Variants in CAMSAP3 observed in about 807,000 individuals in gnomAD.
CAMSAP3 encodes the protein calmodulin-regulated spectrin-associated protein 3.
CAMSAP3 carries 34 observed loss-of-function variants against 112.5 expected under a neutral mutation model. That is an observed-to-expected ratio of 0.30 (90% CI 0.23 to 0.40). The LOEUF (loss-of-function observed/expected upper bound fraction) is 0.40. Ranked by LOEUF, CAMSAP3 falls within the 10% of genes least tolerant of loss-of-function variation. CAMSAP3 has a pLI of 1.00. For missense variants in CAMSAP3, 1,602 were observed against 1,770.3 expected, an observed-to-expected ratio of 0.90 and a Z score of 1.71; for synonymous variants, 868 against 799.8, an observed-to-expected ratio of 1.09 and a Z score of -1.44.
rs1188149376 is a variant in CAMSAP3, at chr19:7,615,705, C to G, written c.3098C>G (p.Ala1033Gly). 6.4e-6 allele frequency: 9 copies of G among 1,406,492 alleles called. No homozygotes were observed. Among genetic ancestry groups the G allele is most frequent in the Non-Finnish European group, 8.3e-6 (9 of 1,087,046 alleles). 87.1% of individuals were successfully genotyped at this position (1,406,492 alleles called of 1,614,324 possible). ...GACTCAGCCCTGGCACGAAGCCCAG[C>G]CCGCGGCCTGCTGGGTGAGGACCCT... Reference protein sequence around the residue: ...CDDSALARSPARGLLGSRLSK... With the variant: ...CDDSALARSPGRGLLGSRLSK... Residue 1033 changes from alanine (A) to glycine (G), a missense_variant, in exon 13 of 17, where the codon GCC becomes GGC. Physicochemically the swap from Ala to Gly is moderately conservative, Grantham distance 60 (BLOSUM62 0). Coordinates refer to ENST00000160298, the MANE Select transcript of CAMSAP3 (RefSeq NM_020902.2). This position sits in a 1 kb window ranked among gnomAD's most constrained non-coding sequence, Gnocchi z 6.5.
At chr19:7,608,548 G>A (rs1211649493) in intron 5 of CAMSAP3, among the ~76,000 whole-genome samples, 1 of 152,136 alleles carries the variant, frequency 6.6e-6, no homozygotes, top group Non-Finnish European at 1.5e-5. Context: ...TTAGGCACTG[G>A]GGATCCAGCC....
At position 7,612,761 on chromosome 19, in the gene CAMSAP3, C is replaced by T; in HGVS notation, c.2268C>T (p.Ser756=). The change falls in exon 11 of 17, where the codon TCC becomes TCT. Residue 756 remains serine (S), a synonymous_variant. Transcript: ENST00000160298. ...PGPTTGPKAA[S]PSPARRVPAT... ...CCACGACGGGGCCCAAAGCTGCATC[C>T]CCCAGCCCCGCCCGGCGAGTCCCGG... 6.5e-7 allele frequency: 1 copy of T among 1,531,158 alleles called. No individual in the cohort carries two copies. Among genetic ancestry groups the T allele is most frequent in the Non-Finnish European group, 8.7e-7 (1 of 1,144,034 alleles). The allele number at this position is 1,531,158 out of a possible 1,614,324, so 94.8% of individuals were successfully genotyped here.
chr19:7,610,171 A>T lies in CAMSAP3; in HGVS notation c.761-305A>T, dbSNP rs187901956. ...ATCTCTACTAAAACCACAAAAAATT[A>T]GCCTGGTGTTGTGGCACACTCCTGT... On this transcript the variant is annotated intron_variant, in intron 5 of 16. Coordinates refer to ENST00000160298, the MANE Select transcript of CAMSAP3 (RefSeq NM_020902.2). The surrounding 1 kb of genome is among the most constrained non-coding windows in gnomAD (Gnocchi z 4.9). 6.6e-6 allele frequency among the ~76,000 whole-genome samples: 1 copy of T among 152,120 alleles called. No homozygotes were observed. Among genetic ancestry groups the T allele is most frequent in the Admixed American group, 6.5e-5 (1 of 15,286 alleles).
chr19:7,608,186 A>G lies in CAMSAP3; in HGVS notation c.682A>G (p.Ser228Gly). 6.2e-7 allele frequency: 1 copy of G among 1,612,698 alleles called. No homozygotes were observed. Among genetic ancestry groups the G allele is most frequent in the Non-Finnish European group, 8.5e-7 (1 of 1,179,956 alleles). ...TGCCCCCTGCTTCCCGACGGTGACC[A>G]GCCTCCAGGACCTGGCCAGTGGGGC... is the stretch of plus-strand genomic sequence containing the variant. ...RRAPCFPTVTSLQDLASGAAL... is the reference protein window; with the variant it reads ...RRAPCFPTVTGLQDLASGAAL... Residue 228 changes from serine to glycine, a missense_variant, in exon 5 of 17, where the codon AGC becomes GGC. Around this residue, in one of 6 missense-constraint regions of CAMSAP3, gnomAD observed 112 missense variants for 94.2 expected, o/e 1.19. Coordinates refer to ENST00000160298, the MANE Select transcript of CAMSAP3 (RefSeq NM_020902.2).
chr19:7,597,644 G>A (rs2024467488), intron 1 of CAMSAP3, among the ~76,000 whole-genome samples: 1 of 152,220 alleles, frequency 6.6e-6, no homozygotes, highest in Non-Finnish European at 1.5e-5. Context: ...CGTAAAAGCT[G>A]TAGTGACCAC....
At position 7,613,359 on chromosome 19, in the gene CAMSAP3, G is replaced by A. The variant is rs775462500; in HGVS notation, c.2670+196G>A. ...TGGCTGGGTAAGGCCTCCATGGGTG[G>A]GAGAGGGGGGAAAGGGACATTTGCA... is the stretch of plus-strand genomic sequence containing the variant. On this transcript the variant is annotated intron_variant, in intron 11 of 16. Coordinates refer to ENST00000160298, the MANE Select transcript of CAMSAP3 (RefSeq NM_020902.2). Among the ~76,000 whole-genome samples the A allele has an allele frequency of 6.9e-3, 1,045 of 150,730 alleles. 5 individuals are homozygous for A. Among genetic ancestry groups the A allele is most frequent in the Middle Eastern group, 0.024 (7 of 294 alleles).
In CAMSAP3 at chr19:7,615,905, G is replaced by T. The variant is rs1054340081; in HGVS notation, c.3112+186G>T. Among the ~76,000 whole-genome samples the T allele has an allele frequency of 3.9e-5, 6 of 151,956 alleles. No homozygotes were observed. The highest frequency in any genetic ancestry group is 3.9e-4 in the Admixed American group (6 of 15,258). On this transcript the variant is annotated intron_variant, in intron 13 of 16. Transcript: ENST00000160298. The surrounding 1 kb of genome is among the most constrained non-coding windows in gnomAD (Gnocchi z 6.5). ...TGTCTCTTGGGTAAAGACTTCCATA[G>T]GGGGCCGGGCGCGGTGGCTCACGCC...
chr19:7,605,147 G>GGTGTGTGTGTGTGTGT (rs56244737), intron 1 of CAMSAP3, 79 bp from the exon 2 acceptor site: 37,293 of 607,758 alleles, frequency 0.061, 873 homozygotes, highest in East Asian at 0.069. Flanking sequence ...CGGGCCATGT[G>GGTGTGTGTGTGTGTGT]GTGTGTGTGT....
intron 1 of CAMSAP3, among the ~76,000 whole-genome samples, chr19:7,597,805 G>T (rs1258400420): frequency 6.6e-6 from 1 of 152,158 alleles, no homozygotes; most frequent in African/African-American, 2.4e-5. Flanking sequence ...CCATTTTGAA[G>T]ACAGCAAAGC....
In CAMSAP3 at chr19:7,612,409, A is replaced by G. The variant is rs925396056; in HGVS notation, c.1916A>G (p.Gln639Arg). Residue 639 changes from glutamine (Q) to arginine (R), a missense_variant, in exon 11 of 17, where the codon CAG becomes CGG. Around this residue, in one of 6 missense-constraint regions of CAMSAP3, gnomAD observed 1,100 missense variants for 1,135.7 expected, o/e 0.97. Coordinates refer to ENST00000160298, the MANE Select transcript of CAMSAP3 (RefSeq NM_020902.2). ...RQRLGKSAFL[Q>R]VQPREASGEA... ...CGGCTGGGCAAAAGCGCCTTCCTGC[A>G]GGTGCAGCCGCGGGAAGCCTCTGGG... 1.3e-6 allele frequency: 2 copies of G among 1,593,476 alleles called. No homozygotes were observed. Among genetic ancestry groups the G allele is most frequent in the Non-Finnish European group, 8.5e-7 (1 of 1,172,850 alleles).
chr19:7,598,512 C>T (rs778454651), intron 1 of CAMSAP3, among the ~76,000 whole-genome samples: 4 of 152,134 alleles, frequency 2.6e-5, no homozygotes, highest in Non-Finnish European at 4.4e-5. Context: ...GTTCTGGCAA[C>T]TCCAAGGCAC....
chr19:7,612,417 C>T lies in CAMSAP3; in HGVS notation c.1924C>T (p.Pro642Ser). ...CAAAAGCGCCTTCCTGCAGGTGCAG[C>T]CGCGGGAAGCCTCTGGGGAGGCGGA... is the stretch of plus-strand genomic sequence containing the variant. ...LGKSAFLQVQPREASGEAEAE... is the reference protein window; with the variant it reads ...LGKSAFLQVQSREASGEAEAE... Residue 642 changes from proline (P) to serine (S), a missense_variant, in exon 11 of 17, where the codon CCG becomes TCG. Pro to Ser is a moderately conservative substitution (Grantham distance 74, BLOSUM62 -1). This residue lies in a region of CAMSAP3 where 1,100 missense variants were observed against 1,135.7 expected (regional missense o/e 0.97). Coordinates refer to ENST00000160298, the MANE Select transcript of CAMSAP3 (RefSeq NM_020902.2). 6.3e-7 allele frequency: 1 copy of T among 1,590,914 alleles called. No homozygotes were observed. The highest frequency in any genetic ancestry group is 8.5e-7 in the Non-Finnish European group (1 of 1,171,522).
In CAMSAP3 at chr19:7,611,306, C is replaced by T. The variant is rs767746269; in HGVS notation, c.1123+138C>T. The T allele has an allele frequency of 3.9e-5, 37 of 937,364 alleles. No homozygotes were observed. Among genetic ancestry groups the T allele is most frequent in the Non-Finnish European group, 5.6e-5 (34 of 612,488 alleles). 58.1% of individuals were successfully genotyped at this position (937,364 alleles called of 1,614,324 possible). A position where few individuals can be genotyped will look rare whatever the true frequency, so the allele number is the denominator to read the frequency against. On this transcript the variant is annotated intron_variant, in intron 9 of 16. Transcript: ENST00000160298. The surrounding 1 kb of genome is among the most constrained non-coding windows in gnomAD (Gnocchi z 6.9). Reference sequence around the variant, plus strand: ...CCCCTTGGGCATCCCAAAGTGACCCCCAGAATGGCCTCCCCAGTGGCCCCA... The same window carrying T: ...CCCCTTGGGCATCCCAAAGTGACCCTCAGAATGGCCTCCCCAGTGGCCCCA...
chr19:7,615,059 G>A lies in CAMSAP3; in HGVS notation c.2671-124G>A. ...TGCATACAGTAGGCACCAACTAAGT[G>A]CATTTAGAACAATGATGAAAACAAA... On this transcript the variant is annotated intron_variant, in intron 11 of 16. Transcript: ENST00000160298. This position sits in a 1 kb window ranked among gnomAD's most constrained non-coding sequence, Gnocchi z 6.5. 8.5e-7 allele frequency: 1 copy of A among 1,174,574 alleles called. No homozygotes were observed. The highest frequency in any genetic ancestry group is 1.2e-6 in the Non-Finnish European group (1 of 812,176). 72.8% of individuals were successfully genotyped at this position (1,174,574 alleles called of 1,614,324 possible).
At position 7,611,970 on chromosome 19, in the gene CAMSAP3, A is replaced by G. The variant is rs1190262081; in HGVS notation, c.1477A>G (p.Lys493Glu). 1.9e-6 allele frequency: 3 copies of G among 1,611,526 alleles called. No homozygotes were observed. The highest frequency in any genetic ancestry group is 3.3e-5 in the Admixed American group (2 of 59,908). Residue 493 changes from lysine to glutamate, a missense_variant, in exon 11 of 17, where the codon AAG (lysine) becomes GAG (glutamate). Lys to Glu is a moderately conservative substitution (Grantham distance 56). Transcript: ENST00000160298. This position sits in a 1 kb window ranked among gnomAD's most constrained non-coding sequence, Gnocchi z 6.9. ...FYLHSPEGPS[K>E]PSLASPYLPE... is the part of the protein sequence containing the mutation. ...CCTCCACTCCCCTGAGGGGCCCTCC[A>G]AGCCATCCCTGGCCTCCCCCTACCT... is the stretch of plus-strand genomic sequence containing the variant.
Position 7,615,305 on chromosome 19 carries a change from G to A in CAMSAP3, c.2793G>A (p.Arg931=), listed in dbSNP as rs1178510728. The A allele has an allele frequency of 1.3e-6, 2 of 1,546,934 alleles. No individual in the cohort carries two copies. Among genetic ancestry groups the A allele is most frequent in the Admixed American group, 2.0e-5 (1 of 50,888 alleles). The change falls in exon 12 of 17, where the codon CGG becomes CGA. Residue 931 remains arginine (R), a synonymous_variant. Transcript: ENST00000160298. This position sits in a 1 kb window ranked among gnomAD's most constrained non-coding sequence, Gnocchi z 6.5. The part of the protein sequence containing the change: ...KQWQEVEKEQ[R]REEAARLAQE... Reference sequence around the variant, plus strand: ...GGCAGGAGGTGGAGAAGGAACAGCGGAGGGAGGAGGCCGCGAGGTGAGGCC... The same window carrying A: ...GGCAGGAGGTGGAGAAGGAACAGCGAAGGGAGGAGGCCGCGAGGTGAGGCC...
At chr19:7,616,679 G>A in intron 14 of CAMSAP3, 57 bp downstream of exon 14, 2 of 1,275,522 alleles carry the variant, frequency 1.6e-6, no homozygotes, top group Admixed American at 1.7e-5. Context: ...CAGAGCCTGG[G>A]AGGTGTGTGG....
Position 7,607,988 on chromosome 19 carries a change from GC to G in CAMSAP3, c.622-132del. 3 of 1,053,818 alleles carry G rather than the reference GC, an allele frequency of 2.8e-6. No homozygotes were observed. The highest frequency in any genetic ancestry group is 2.3e-5 in the Admixed American group (1 of 43,700). 65.3% of individuals were successfully genotyped at this position (1,053,818 alleles called of 1,614,324 possible). ...GCTGCCCCTCCCCTGCTCCAGGCTG[GC>G]CCCCCAACTCTGTCTCTGGGACCCC... On this transcript the variant is annotated intron_variant, in intron 4 of 16. Coordinates refer to ENST00000160298, the MANE Select transcript of CAMSAP3 (RefSeq NM_020902.2). The surrounding 1 kb of genome is among the most constrained non-coding windows in gnomAD (Gnocchi z 4.9).
intron 5 of CAMSAP3, among the ~76,000 whole-genome samples, chr19:7,608,676 C>T (rs957304399): frequency 6.6e-6 from 1 of 150,632 alleles, no homozygotes; most frequent in Admixed American, 6.6e-5. Flanking sequence ...GCTCTGTTGC[C>T]CAGGCTGGAG....
Sources: gnomAD v4.1 joint callset for allele counts (sites outside exome capture counted in the v4.1 genomes callset) on GRCh38, gnomAD v4.1.1 for gene constraint, gnomAD v4.1.1 regional missense constraint, Gnocchi (gnomAD v3.1) non-coding constraint, MANE v1.5 for transcripts, NCBI Gene and HGNC (gene_info 2026-07-23, HGNC 2026-07-21) for gene names.